The following ADAP2 variants were observed in gnomAD, a reference collection of about 807,000 sequenced individuals.
The protein encoded by ADAP2 is arf-GAP with dual PH domain-containing protein 2.
ADAP2 carries 42 observed loss-of-function variants against 54.9 expected under a neutral mutation model. That is an observed-to-expected ratio of 0.77 (90% CI 0.60 to 0.99). ADAP2 has a LOEUF of 0.99. ADAP2 is among the 50% of genes least tolerant of loss of function. The pLI is 0.00. For synonymous variants in ADAP2, 177 were observed against 180.1 expected (o/e 0.98, Z 0.14); for missense variants, 429 against 480.4 (o/e 0.89, Z 1.00).
chr17:30,934,099 C>A, intron 4 of ADAP2, 86 bp from the exon 5 acceptor site: 1 of 960,094 alleles, frequency 1.0e-6, no homozygotes, highest in Non-Finnish European at 1.6e-6. Flanking sequence ...AAGGCTTATT[C>A]CACCCTTGAG....
At chr17:30,957,202 C>T (rs1215852632) in intron 10 of ADAP2, among the ~76,000 whole-genome samples, 1 of 152,114 alleles carries the variant, frequency 6.6e-6, no homozygotes, top group Non-Finnish European at 1.5e-5. Context: ...CCCATAAAGG[C>T]CAAAGCCAGA....
At position 30,956,275 on chromosome 17, in the gene ADAP2, A is replaced by G. The variant is rs1905060361; in HGVS notation, c.917A>G (p.Asn306Ser). The change falls in exon 10 of 11, where the codon AAC becomes AGC. Residue 306 changes from asparagine (N) to serine (S), a missense_variant. Physicochemically the swap from Asn to Ser is conservative, Grantham distance 46. Transcript: ENST00000330889. ...GAGCAGGGCCAGGTTTTTCTTGGGAACAAGGAGCAGGGATATGAAGCCTAC... is the reference window on the plus strand; with the variant it reads ...GAGCAGGGCCAGGTTTTTCTTGGGAGCAAGGAGCAGGGATATGAAGCCTAC... ...AFEQGQVFLG[N>S]KEQGYEAYED... 6.2e-7 allele frequency: 1 copy of G among 1,614,032 alleles called. No individual in the cohort carries two copies. The highest frequency in any genetic ancestry group is 8.5e-7 in the Non-Finnish European group (1 of 1,180,026).
chr17:30,940,809 G>C (rs11080139), intron 5 of ADAP2, among the ~76,000 whole-genome samples: 25,940 of 152,072 alleles, frequency 0.17, 6,910 homozygotes, highest in African/African-American at 0.57. Context: ...TGAAGCTTTG[G>C]CTAACTTTCT....
chr17:30,958,075 G>A lies in ADAP2; in HGVS notation c.*206G>A. 1 of 609,292 alleles carries A rather than the reference G, an allele frequency of 1.6e-6. No homozygotes were observed. The allele number at this position is 609,292 out of a possible 1,614,324, so 37.7% of individuals were successfully genotyped here. ...CCCACCTCGGGGATCTGAGGATCTGGTGCATAGATGAACATCTATCCCCTC... is the reference window on the plus strand; with the variant it reads ...CCCACCTCGGGGATCTGAGGATCTGATGCATAGATGAACATCTATCCCCTC... On this transcript the variant is annotated 3_prime_UTR_variant, in exon 11 of 11. Transcript: ENST00000330889.
At chr17:30,922,670 C>T (rs1241006798) in intron 1 of ADAP2, among the ~76,000 whole-genome samples, 1 of 152,210 alleles carries the variant, frequency 6.6e-6, no homozygotes, top group Non-Finnish European at 1.5e-5. Context: ...CGCGGTGCGC[C>T]CCCCGCGCCC....
intron 7 of ADAP2, among the ~76,000 whole-genome samples, chr17:30,951,383 T>C (rs1904615585): frequency 6.6e-6 from 1 of 152,108 alleles, no homozygotes; most frequent in Admixed American, 6.6e-5. Flanking sequence ...AAATTCCGAA[T>C]ATTGAGCAGT....
intron 4 of ADAP2, among the ~76,000 whole-genome samples, chr17:30,933,605 T>C (rs1230694950): frequency 6.6e-6 from 1 of 152,188 alleles, no homozygotes; most frequent in Non-Finnish European, 1.5e-5. Context: ...GTTCAAGTGA[T>C]TCTCCTGTCT....
Position 30,926,866 on chromosome 17 carries a change from T to G in ADAP2, c.265T>G (p.Phe89Val). 1 of 1,614,202 alleles carries G rather than the reference T, an allele frequency of 6.2e-7. No homozygotes were observed. Among genetic ancestry groups the G allele is most frequent in the Non-Finnish European group, 8.5e-7 (1 of 1,180,042 alleles). Residue 89 changes from phenylalanine to valine, a missense_variant, in exon 3 of 11, where the codon TTC becomes GTC. Physicochemically the swap from Phe to Val is conservative, Grantham distance 50. Transcript: ENST00000330889. ...HNGNLRVKAK[F>V]EARVPAFYYI... Reference sequence around the variant, plus strand: ...TGGAAACCTCCGTGTGAAGGCCAAGTTCGAAGCCAGAGTCCCAGCTTTCTA... The same window carrying G: ...TGGAAACCTCCGTGTGAAGGCCAAGGTCGAAGCCAGAGTCCCAGCTTTCTA...
At chr17:30,948,027 C>T (rs2142571478) in intron 6 of ADAP2, among the ~76,000 whole-genome samples, 1 of 152,086 alleles carries the variant, frequency 6.6e-6, no homozygotes, top group East Asian at 1.9e-4. Context: ...GAGCAAGCAC[C>T]AAAAATCTAT....
chr17:30,931,271 A>G (rs1364572780), intron 3 of ADAP2, among the ~76,000 whole-genome samples: 2 of 152,126 alleles, frequency 1.3e-5, no homozygotes, highest in Non-Finnish European at 2.9e-5. Context: ...ACTGGGAGAA[A>G]TATTTCCCCC....
chr17:30,949,282 C>T lies in ADAP2; in HGVS notation c.658-5C>T, dbSNP rs113055344. 1,210 of 1,613,802 alleles carry T rather than the reference C, an allele frequency of 7.5e-4. 14 individuals carry two copies. In the African/African-American group the frequency reaches 0.013, roughly 17 times the overall value. On this transcript the variant is annotated splice_region_variant and splice_polypyrimidine_tract_variant and intron_variant, in intron 6 of 10. Coordinates refer to ENST00000330889, the MANE Select transcript of ADAP2 (RefSeq NM_018404.3). The stretch of plus-strand genomic sequence containing the variant: ...TGTGTGTGTCCTGTGCACTTCTCTC[C>T]GCAGGAGATAGTGGACTGGTTCAAT...
rs1205991054 is a variant in ADAP2, at chr17:30,927,031, C to T, written c.317+113C>T. ...GGTGGTCTCTTCTATGGGCCTGGTG[C>T]GCAGGTGGATCCAGGAAAGCACTGG... On this transcript the variant is annotated intron_variant, in intron 3 of 10. Coordinates refer to ENST00000330889, the MANE Select transcript of ADAP2 (RefSeq NM_018404.3). 64 of 788,004 alleles carry T rather than the reference C, an allele frequency of 8.1e-5. No homozygotes were observed. The East Asian group carries it at 1.0e-3, about 13-fold the overall frequency. 48.8% of individuals were successfully genotyped at this position (788,004 alleles called of 1,614,324 possible).
intron 4 of ADAP2, among the ~76,000 whole-genome samples, chr17:30,933,357 T>A: frequency 6.6e-6 from 1 of 151,472 alleles, no homozygotes; most frequent in Non-Finnish European, 1.5e-5. Flanking sequence ...CTGGCTAATG[T>A]TTATATTTTT....
intron 3 of ADAP2, among the ~76,000 whole-genome samples, chr17:30,928,410 C>T (rs770650640): frequency 2.0e-5 from 3 of 151,660 alleles, no homozygotes; most frequent in Admixed American, 2.0e-4. Flanking sequence ...GGAGGAGAAT[C>T]GCTTGAACCC....
At chr17:30,949,140 G>A in intron 6 of ADAP2, 147 bp from the exon 7 acceptor site, 1 of 617,346 alleles carries the variant, frequency 1.6e-6, no homozygotes, top group Non-Finnish European at 2.9e-6. Flanking sequence ...CTCCCTGGAT[G>A]CCCCTGAGCC....
chr17:30,930,246 A>G (rs1911376288), intron 3 of ADAP2, among the ~76,000 whole-genome samples: 1 of 148,356 alleles, frequency 6.7e-6, no homozygotes, highest in Non-Finnish European at 1.5e-5. Flanking sequence ...TAATTTTTGT[A>G]TTTTTGGTAG....
In ADAP2 at chr17:30,934,264, A is replaced by T; in HGVS notation, c.477A>T (p.Arg159Ser). The T allele has an allele frequency of 6.2e-7, 1 of 1,614,106 alleles. No homozygotes were observed. Among genetic ancestry groups the T allele is most frequent in the Non-Finnish European group, 8.5e-7 (1 of 1,179,960 alleles). Residue 159 changes from arginine (R) to serine (S), a missense_variant, in exon 5 of 11, where the codon AGA becomes AGT. Arg to Ser is a moderately radical substitution (Grantham distance 110). Transcript: ENST00000330889. ...FLRRKFVLLAREGLLKYFTKE... is the reference protein window; with the variant it reads ...FLRRKFVLLASEGLLKYFTKE... Reference sequence around the variant, plus strand: ...GAAGGAAGTTTGTACTTCTGGCAAGAGAAGGCCTCCTGAAGTACTTCACAA... The same window carrying T: ...GAAGGAAGTTTGTACTTCTGGCAAGTGAAGGCCTCCTGAAGTACTTCACAA...
chr17:30,930,492 A>G (rs1405750619), intron 3 of ADAP2, among the ~76,000 whole-genome samples: 1 of 152,138 alleles, frequency 6.6e-6, no homozygotes, highest in Non-Finnish European at 1.5e-5. Context: ...CTCACACACC[A>G]TCAGGTCTCT....
At chr17:30,946,011 C>T (rs987864015) in intron 6 of ADAP2, among the ~76,000 whole-genome samples, 21 of 150,854 alleles carry the variant, frequency 1.4e-4, no homozygotes, top group Admixed American at 9.9e-4. Flanking sequence ...AAAAATTGGC[C>T]GGGCATGGTG....
Sources: gnomAD v4.1 joint callset for allele counts (sites outside exome capture counted in the v4.1 genomes callset) on GRCh38, gnomAD v4.1.1 for gene constraint, MANE v1.5 for transcripts, NCBI Gene and HGNC (gene_info 2026-07-23, HGNC 2026-07-21) for gene names.